IQGAP2: variants seen among roughly 807,000 people sequenced by gnomAD.
IQGAP2 encodes IQ motif containing GTPase activating protein 2.
Under a neutral mutation model 201.3 loss-of-function variants are expected in IQGAP2, and 173 were observed. That is an observed-to-expected ratio of 0.86 (90% CI 0.76 to 0.98). The LOEUF is 0.98. Among genes scored for constraint, IQGAP2 ranks in the 50% least tolerant of loss-of-function variants. The probability of loss-of-function intolerance (pLI) is 0.00; values close to 1 mark genes in which losing one functional copy is unlikely to be tolerated. For missense variants in IQGAP2, 1,687 were observed against 1,864.8 expected, an observed-to-expected ratio of 0.90 and a Z score of 1.76; for synonymous variants, 675 against 673.9, an observed-to-expected ratio of 1.00 and a Z score of -0.03.
intron 2 of IQGAP2, among the ~76,000 whole-genome samples, chr5:76,500,202 C>G (rs1381920521): frequency 6.6e-6 from 1 of 152,096 alleles, no homozygotes; most frequent in Non-Finnish European, 1.5e-5. Context: ...TTGCATGCTA[C>G]CACTTCCTGA....
intron 2 of IQGAP2, among the ~76,000 whole-genome samples, chr5:76,521,914 A>G (rs921021027): frequency 3.3e-5 from 5 of 151,796 alleles, no homozygotes; most frequent in Non-Finnish European, 7.4e-5. Context: ...AATTCCTCTA[A>G]TTTCTGTGTT....
At chr5:76,625,809 T>C (rs1750167605) in intron 13 of IQGAP2, among the ~76,000 whole-genome samples, 1 of 152,244 alleles carries the variant, frequency 6.6e-6, no homozygotes, top group Non-Finnish European at 1.5e-5. Flanking sequence ...CCAGATCCAT[T>C]ACCTTTCATT....
chr5:76,685,311 A>G (rs536751721), intron 30 of IQGAP2, among the ~76,000 whole-genome samples: 124 of 152,336 alleles, frequency 8.1e-4, no homozygotes, highest in African/African-American at 2.7e-3. Context: ...TGGTTTTGCC[A>G]TGTAAATGAA....
At chr5:76,564,343 C>T (rs1410003240) in intron 3 of IQGAP2, among the ~76,000 whole-genome samples, 2 of 152,140 alleles carry the variant, frequency 1.3e-5, no homozygotes, top group African/African-American at 4.8e-5. Flanking sequence ...AGTACCAACA[C>T]GTATGTAGAT....
At chr5:76,405,789 A>G (rs1320229909) in intron 1 of IQGAP2, among the ~76,000 whole-genome samples, 1 of 152,188 alleles carries the variant, frequency 6.6e-6, no homozygotes, top group Non-Finnish European at 1.5e-5. Context: ...CTAGGGAAGG[A>G]TAACACAGGA....
At chr5:76,684,343 T>C (rs1745554295) in intron 30 of IQGAP2, among the ~76,000 whole-genome samples, 1 of 152,236 alleles carries the variant, frequency 6.6e-6, no homozygotes, top group Non-Finnish European at 1.5e-5. Context: ...ATCTGATTTA[T>C]TGGCCTTCCT....
At chr5:76,504,301 T>C (rs1342097336) in intron 2 of IQGAP2, among the ~76,000 whole-genome samples, 2 of 152,218 alleles carry the variant, frequency 1.3e-5, no homozygotes, top group African/African-American at 4.8e-5. Flanking sequence ...ACAGCTCAGC[T>C]AAGTGGCTTC....
intron 2 of IQGAP2, among the ~76,000 whole-genome samples, chr5:76,503,654 T>C (rs978856911): frequency 6.6e-6 from 1 of 151,966 alleles, no homozygotes; most frequent in African/African-American, 2.4e-5. Flanking sequence ...TGTAGTGGCA[T>C]GATCTCGGCT....
At chr5:76,415,938 G>A (rs1201561233) in intron 1 of IQGAP2, among the ~76,000 whole-genome samples, 1 of 90,726 alleles carries the variant, frequency 1.1e-5, no homozygotes, top group Non-Finnish European at 2.1e-5. Context: ...GAGGGTAACT[G>A]TCTCAAAAAA....
rs1232969877 is a variant in IQGAP2 at position 76,416,245 on chromosome 5, T to C, written c.46+12654T>C. 2.6e-5 allele frequency among the ~76,000 whole-genome samples: 4 copies of C among 152,236 alleles called. No homozygotes were observed. The East Asian group carries it at 7.7e-4, about 29-fold the overall frequency. On this transcript the variant is annotated intron_variant, in intron 1 of 35. Coordinates refer to ENST00000274364, the MANE Select transcript of IQGAP2 (RefSeq NM_006633.5). ...TATAAAATAATAGGAAGCTTTGGAG[T>C]GTCTCTCAGCTGGAGAATGCATTTG... is the stretch of plus-strand genomic sequence containing the variant.
chr5:76,652,610 G>A, intron 17 of IQGAP2, 140 bp from the exon 18 acceptor site: 1 of 703,996 alleles, frequency 1.4e-6, no homozygotes, highest in Non-Finnish European at 2.6e-6. Context: ...CCCAGAGAGG[G>A]TGTCCAGATG....
At position 76,570,045 on chromosome 5, in the gene IQGAP2, A is replaced by G. The variant is rs546922509; in HGVS notation, c.304-535A>G. The stretch of plus-strand genomic sequence containing the variant: ...GATCAGGGTTAAATTAGAAGAATCA[A>G]TACTAAAGTTAGTTCTGAATTGTGG... On this transcript the variant is annotated intron_variant, in intron 3 of 35. Transcript: ENST00000274364. Among the ~76,000 whole-genome samples, 22 of 152,372 alleles carry G rather than the reference A, an allele frequency of 1.4e-4. 1 individual carries two copies. Among genetic ancestry groups the G allele is most frequent in the Admixed American group, 6.5e-4 (10 of 15,310 alleles).
chr5:76,636,766 G>A (rs1201924840), intron 15 of IQGAP2, among the ~76,000 whole-genome samples: 2 of 152,080 alleles, frequency 1.3e-5, no homozygotes, highest in African/African-American at 2.4e-5. Context: ...GGCTGCTTTT[G>A]GCCAAACATG....
intron 2 of IQGAP2, among the ~76,000 whole-genome samples, chr5:76,512,898 T>C (rs13170780): frequency 6.6e-6 from 1 of 151,982 alleles, no homozygotes; most frequent in Non-Finnish European, 1.5e-5. Flanking sequence ...CTACCAAAAA[T>C]ACAAAAATTT....
chr5:76,496,761 C>CTTTTT (rs368129209), intron 2 of IQGAP2, among the ~76,000 whole-genome samples: 1 of 89,044 alleles, frequency 1.1e-5, no homozygotes, highest in Non-Finnish European at 2.1e-5. Flanking sequence ...TTCTTTCTTT[C>CTTTTT]TTTCTTTCTT....
rs116285593 is a variant in IQGAP2 at position 76,501,042 on chromosome 5, G to A, written c.146+39373G>A. Among the ~76,000 whole-genome samples the A allele has an allele frequency of 7.9e-3, 1,206 of 151,766 alleles. 13 individuals are homozygous for A. Among genetic ancestry groups the A allele is most frequent in the African/African-American group, 0.027 (1,110 of 41,070 alleles). On this transcript the variant is annotated intron_variant, in intron 2 of 35. Coordinates refer to ENST00000274364, the MANE Select transcript of IQGAP2 (RefSeq NM_006633.5). Reference sequence around the variant, plus strand: ...TATGGGGCTGTATGTTGGAGGCACCGTGTACATTTAAGGAATTGACCATTA... The same window carrying A: ...TATGGGGCTGTATGTTGGAGGCACCATGTACATTTAAGGAATTGACCATTA...
chr5:76,544,582 CT>C (rs1286228508), intron 2 of IQGAP2, among the ~76,000 whole-genome samples: 2 of 152,226 alleles, frequency 1.3e-5, no homozygotes, highest in Non-Finnish European at 2.9e-5. Flanking sequence ...TTAGAGAGAA[CT>C]TGGTCAGATT....
intron 10 of IQGAP2, among the ~76,000 whole-genome samples, chr5:76,598,513 C>G (rs1281741966): frequency 6.6e-6 from 1 of 152,038 alleles, no homozygotes; most frequent in African/African-American, 2.4e-5. Context: ...AATTAAAACA[C>G]AGTACACTTA....
intron 1 of IQGAP2, among the ~76,000 whole-genome samples, chr5:76,436,493 A>ATATATATATATATATATATT (rs1752669394): frequency 1.2e-4 from 2 of 17,146 alleles, no homozygotes; most frequent in Non-Finnish European, 1.0e-4. Context: ...ATATATATAT[A>ATATATATATATATATATATT]TATATATATA....
Sources: gnomAD v4.1 joint callset for allele counts (sites outside exome capture counted in the v4.1 genomes callset) on GRCh38, gnomAD v4.1.1 for gene constraint, MANE v1.5 for transcripts, NCBI Gene and HGNC (gene_info 2026-07-23, HGNC 2026-07-21) for gene names.